Variants in TRPC5 observed in about 807,000 individuals in gnomAD.
The protein encoded by TRPC5 is short transient receptor potential channel 5.
A neutral mutation model predicts 56.5 loss-of-function variants in TRPC5; 9 were observed. That is an observed-to-expected ratio of 0.16 (90% CI 0.10 to 0.28). The LOEUF (loss-of-function observed/expected upper bound fraction) is 0.28, where lower values mean the gene tolerates loss of function less well. TRPC5 is among the 10% of genes least tolerant of loss of function. TRPC5 has a pLI of 1.00. For synonymous variants in TRPC5, 282 were observed against 278.5 expected (o/e 1.01, Z -0.13); for missense variants, 469 against 748.9 (o/e 0.63, Z 4.36).
At chrX:111,926,405 T>C (rs1265261302) in intron 2 of TRPC5, among the ~76,000 whole-genome samples, 1 of 111,927 alleles carries the variant, frequency 8.9e-6, no homozygotes, top group African/African-American at 3.3e-5. Flanking sequence ...ATTTTAAAAA[T>C]ATTTAAAAAA....
intron 1 of TRPC5, among the ~76,000 whole-genome samples, chrX:112,043,576 A>G (rs189637496): frequency 1.5e-4 from 17 of 110,433 alleles, no homozygotes; most frequent in African/African-American, 5.3e-4. Context: ...GATAGAAAAA[A>G]AAGTTAAAAG....
intron 1 of TRPC5, among the ~76,000 whole-genome samples, chrX:112,069,109 C>T (rs894890931): frequency 2.1e-4 from 24 of 111,699 alleles, no homozygotes; most frequent in African/African-American, 7.5e-4. Flanking sequence ...ATGAGCCAGA[C>T]TCTATGCTAA....
At chrX:112,026,656 T>G (rs980947361) in intron 1 of TRPC5, among the ~76,000 whole-genome samples, 1 of 111,313 alleles carries the variant, frequency 9.0e-6, no homozygotes. Flanking sequence ...CTAGATTATC[T>G]TAACCTCTTT....
intron 1 of TRPC5, among the ~76,000 whole-genome samples, chrX:112,032,952 A>G (rs1328555525): frequency 9.1e-6 from 1 of 110,295 alleles, no homozygotes; most frequent in Non-Finnish European, 1.9e-5. Context: ...TTTTTGCCCA[A>G]TTTAAAATAG....
intron 7 of TRPC5, among the ~76,000 whole-genome samples, chrX:111,832,736 C>T (rs1251936651): frequency 3.6e-5 from 4 of 111,155 alleles, no homozygotes; most frequent in South Asian, 3.8e-4. Flanking sequence ...GGCCATCTAC[C>T]GTTGGCTCCC....
intron 2 of TRPC5, among the ~76,000 whole-genome samples, chrX:111,940,505 A>G (rs191991233): frequency 4.4e-4 from 48 of 110,214 alleles, no homozygotes; most frequent in African/African-American, 1.5e-3. Context: ...CCTGGCTAAC[A>G]TGGTGAAACC....
intron 1 of TRPC5, among the ~76,000 whole-genome samples, chrX:112,046,775 G>A (rs1351488174): frequency 9.0e-6 from 1 of 111,185 alleles, no homozygotes; most frequent in Non-Finnish European, 1.9e-5. Flanking sequence ...AACTGTGTAG[G>A]ACCTTGGCAT....
intron 2 of TRPC5, among the ~76,000 whole-genome samples, chrX:111,925,494 C>A (rs1023625010): frequency 3.6e-5 from 4 of 111,884 alleles, no homozygotes; most frequent in Non-Finnish European, 7.5e-5. Flanking sequence ...GTAATAAGGA[C>A]AAGTTGTTTT....
chrX:111,841,598 T>C (rs1189447197), intron 6 of TRPC5, among the ~76,000 whole-genome samples: 3 of 112,569 alleles, frequency 2.7e-5, no homozygotes, highest in African/African-American at 9.7e-5. Flanking sequence ...ATTTTCATTA[T>C]TATTATTAAA....
chrX:112,033,032 A>G (rs1929626704), intron 1 of TRPC5, among the ~76,000 whole-genome samples: 2 of 109,605 alleles, frequency 1.8e-5, no homozygotes, highest in Non-Finnish European at 3.8e-5. Context: ...ATGGAATACT[A>G]TGCAGCCATA....
chrX:111,852,569 G>A, intron 4 of TRPC5, 132 bp from the exon 5 acceptor site: 1 of 724,225 alleles, frequency 1.4e-6, no homozygotes, highest in Middle Eastern at 3.2e-4. Flanking sequence ...GAAGCCTTGA[G>A]AGACAATAAT....
intron 3 of TRPC5, chrX:111,876,042 A>T (rs1923928750): frequency 9.0e-6 from 1 of 110,629 alleles, no homozygotes; most frequent in Non-Finnish European, 1.9e-5. Context: ...GGAGAAAAAA[A>T]AAAAAACTAG....
At chrX:111,781,085 C>T in intron 9 of TRPC5, 80 bp downstream of exon 9, 1 of 982,786 alleles carries the variant, frequency 1.0e-6, no homozygotes, top group Non-Finnish European at 1.5e-6. Context: ...CGTGTCCAGA[C>T]ACAGCCAGAG....
chrX:111,805,404 T>C (rs1921469225), intron 7 of TRPC5, among the ~76,000 whole-genome samples: 1 of 111,684 alleles, frequency 9.0e-6, no homozygotes, highest in Non-Finnish European at 1.9e-5. Flanking sequence ...TTCTATTGAT[T>C]GGACTAGTTT....
intron 1 of TRPC5, among the ~76,000 whole-genome samples, chrX:111,967,241 A>G (rs757771005): frequency 8.9e-4 from 99 of 111,746 alleles, no homozygotes; most frequent in African/African-American, 3.1e-3. Context: ...TGCTACAAAG[A>G]GAATAAAATA....
intron 3 of TRPC5, among the ~76,000 whole-genome samples, chrX:111,870,683 G>A (rs991397466): frequency 2.7e-5 from 3 of 111,338 alleles, no homozygotes; most frequent in African/African-American, 6.5e-5. Flanking sequence ...TTGGTTTTCA[G>A]AACTTGGTGG....
intron 1 of TRPC5, among the ~76,000 whole-genome samples, chrX:111,969,009 ATAAAAT>A (rs1569528885): frequency 2.4e-4 from 23 of 95,161 alleles, no homozygotes; most frequent in African/African-American, 8.2e-4. Context: ...ATAAAATAAA[ATAAAAT>A]AAAATAAAAA....
intron 1 of TRPC5, among the ~76,000 whole-genome samples, chrX:111,977,287 C>T (rs1927956291): frequency 9.0e-6 from 1 of 111,174 alleles, no homozygotes; most frequent in Non-Finnish European, 1.9e-5. Context: ...AGTAGACATA[C>T]CGATCAATAG....
chrX:111,783,080 C>A (rs751878389), intron 7 of TRPC5, among the ~76,000 whole-genome samples: 4 of 111,897 alleles, frequency 3.6e-5, no homozygotes, highest in Non-Finnish European at 7.5e-5. Flanking sequence ...AAGATTGGCT[C>A]ATTTTACTCA....
Sources: allele counts gnomAD v4.1 joint callset (sites outside exome capture counted in the v4.1 genomes callset), GRCh38; gene constraint gnomAD v4.1.1; transcripts MANE v1.5; gene names NCBI Gene and HGNC (gene_info 2026-07-23, HGNC 2026-07-21).